Variants in WDR70 observed in about 807,000 individuals in gnomAD.
WDR70 encodes the protein WD repeat domain 70.
Under a neutral mutation model 88.6 loss-of-function variants are expected in WDR70, and 53 were observed. The observed-to-expected ratio is 0.60, with a 90% CI of 0.48 to 0.75. WDR70 has a LOEUF of 0.75. Among genes scored for constraint, WDR70 ranks in the 30% least tolerant of loss-of-function variants. The pLI, the probability that WDR70 is intolerant of heterozygous loss-of-function variation, is 0.00. For missense variants in WDR70, 610 were observed against 823.2 expected, an observed-to-expected ratio of 0.74 and a Z score of 3.17; for synonymous variants, 280 against 270.0, an observed-to-expected ratio of 1.04 and a Z score of -0.36.
chr5:37,558,809 A>C (rs946285749), intron 9 of WDR70, among the ~76,000 whole-genome samples: 1 of 152,134 alleles, frequency 6.6e-6, no homozygotes, highest in Admixed American at 6.5e-5. Flanking sequence ...TCAAGTTAGT[A>C]AGCCTAGTTT....
chr5:37,480,693 G>T (rs543041002), intron 8 of WDR70, among the ~76,000 whole-genome samples: 8 of 152,222 alleles, frequency 5.3e-5, no homozygotes, highest in South Asian at 4.2e-4. Context: ...ATGAGATTTG[G>T]GTGGGGACAC....
chr5:37,520,180 A>G (rs989751903), intron 9 of WDR70, among the ~76,000 whole-genome samples: 12 of 152,198 alleles, frequency 7.9e-5, no homozygotes, highest in African/African-American at 2.9e-4. Context: ...TTTTATTCTT[A>G]GGTTATTTTG....
intron 17 of WDR70, among the ~76,000 whole-genome samples, chr5:37,735,345 G>T (rs781232203): frequency 9.9e-5 from 15 of 152,136 alleles, no homozygotes; most frequent in South Asian, 2.1e-4. Flanking sequence ...CATAATAGCA[G>T]CTCTTGCAAG....
At chr5:37,698,753 C>T (rs1251651945) in intron 11 of WDR70, among the ~76,000 whole-genome samples, 1 of 152,094 alleles carries the variant, frequency 6.6e-6, no homozygotes, top group East Asian at 1.9e-4. Flanking sequence ...ACAGCTTTCC[C>T]CTCAATTTAA....
chr5:37,747,937 T>C (rs985168118), intron 17 of WDR70, among the ~76,000 whole-genome samples: 1 of 152,126 alleles, frequency 6.6e-6, no homozygotes, highest in African/African-American at 2.4e-5. Flanking sequence ...ACAAGGGATG[T>C]GAAGAACCTC....
intron 13 of WDR70, among the ~76,000 whole-genome samples, chr5:37,707,595 A>G (rs1747364199): frequency 6.6e-6 from 1 of 152,150 alleles, no homozygotes; most frequent in Non-Finnish European, 1.5e-5. Flanking sequence ...TGATATTTTC[A>G]ACTAGTATGC....
chr5:37,514,015 G>A (rs1460385427), intron 8 of WDR70, among the ~76,000 whole-genome samples: 1 of 151,848 alleles, frequency 6.6e-6, no homozygotes, highest in East Asian at 1.9e-4. Flanking sequence ...TAATTAAATT[G>A]ATCAGTTTAT....
intron 10 of WDR70, among the ~76,000 whole-genome samples, chr5:37,634,413 A>G (rs188543662): frequency 6.6e-6 from 1 of 152,348 alleles, no homozygotes; most frequent in Admixed American, 6.5e-5. Flanking sequence ...TGTTACAAAA[A>G]CAGTGGATAG....
At chr5:37,601,907 A>G (rs1168431073) in intron 9 of WDR70, among the ~76,000 whole-genome samples, 1 of 152,198 alleles carries the variant, frequency 6.6e-6, no homozygotes, top group Non-Finnish European at 1.5e-5. Flanking sequence ...GGATGAATTC[A>G]TGTCCTTTGC....
chr5:37,679,872 T>A (rs1746369953), intron 10 of WDR70, among the ~76,000 whole-genome samples: 1 of 152,272 alleles, frequency 6.6e-6, no homozygotes, highest in Non-Finnish European at 1.5e-5. Flanking sequence ...CTCCTTGAGC[T>A]GTGGTGGGCT....
chr5:37,552,294 G>C (rs1042762928), intron 9 of WDR70, among the ~76,000 whole-genome samples: 1 of 152,102 alleles, frequency 6.6e-6, no homozygotes, highest in African/African-American at 2.4e-5. Flanking sequence ...ATCGCGCAAA[G>C]CTTGAAACAT....
In WDR70 at chr5:37,408,423, G is replaced by GAT. The variant is rs571471526; in HGVS notation, c.492+11856_492+11857dup. On this transcript the variant is annotated intron_variant, in intron 5 of 17. Coordinates refer to ENST00000265107, the MANE Select transcript of WDR70 (RefSeq NM_018034.4). ...TGGGAGGTGGAGGTTCCAGTGAGCC[G>GAT]ATATTGCACCACTGCACTCCAGCTT... 1.8e-3 allele frequency among the ~76,000 whole-genome samples: 276 copies of GAT among 152,164 alleles called. 1 individual carries two copies. Among genetic ancestry groups the GAT allele is most frequent in the Non-Finnish European group, 1.8e-3 (120 of 68,018 alleles).
intron 10 of WDR70, among the ~76,000 whole-genome samples, chr5:37,649,221 G>A (rs1745323406): frequency 6.6e-6 from 1 of 151,944 alleles, no homozygotes; most frequent in African/African-American, 2.4e-5. Flanking sequence ...GTGGAAGATG[G>A]AAGTCTTTCC....
chr5:37,568,702 A>T (rs2112398690), intron 9 of WDR70, among the ~76,000 whole-genome samples: 1 of 152,322 alleles, frequency 6.6e-6, no homozygotes, highest in East Asian at 1.9e-4. Flanking sequence ...ATGCCTGTGT[A>T]GGGTCAGGTA....
intron 5 of WDR70, among the ~76,000 whole-genome samples, chr5:37,405,750 A>T (rs1375370713): frequency 2.0e-5 from 3 of 152,136 alleles, no homozygotes; most frequent in Admixed American, 6.6e-5. Flanking sequence ...CCTCATCTCA[A>T]AAAGGATTTA....
chr5:37,563,658 AC>A (rs373790636), intron 9 of WDR70, among the ~76,000 whole-genome samples: 2 of 2,812 alleles, frequency 7.1e-4, no homozygotes, highest in African/African-American at 3.6e-3. Flanking sequence ...CGGGGGGCTG[AC>A]CCCCCCCCAC....
chr5:37,723,840 T>C (rs1747894518), intron 15 of WDR70: 1 of 152,142 alleles, frequency 6.6e-6, no homozygotes, highest in South Asian at 2.1e-4. Flanking sequence ...GAAAAGCTAT[T>C]TTCCCCCTCC....
intron 9 of WDR70, among the ~76,000 whole-genome samples, chr5:37,601,833 G>A (rs1015511622): frequency 2.0e-4 from 30 of 152,078 alleles, no homozygotes; most frequent in African/African-American, 6.3e-4. Context: ...ATGTCCATCA[G>A]TAATAGACTG....
intron 5 of WDR70, among the ~76,000 whole-genome samples, chr5:37,407,259 C>T (rs1240420203): frequency 6.6e-6 from 1 of 152,152 alleles, no homozygotes; most frequent in East Asian, 1.9e-4. Context: ...GTAGTGTTTA[C>T]ACCTGTAATC....
Sources: allele counts gnomAD v4.1 joint callset (sites outside exome capture counted in the v4.1 genomes callset), GRCh38; gene constraint gnomAD v4.1.1; transcripts MANE v1.5; gene names NCBI Gene and HGNC (gene_info 2026-07-23, HGNC 2026-07-21).